AKAP7: variants seen among roughly 807,000 people sequenced by gnomAD.
The protein encoded by AKAP7 is A kinase (PRKA) anchor protein 7.
Under a neutral mutation model 39.5 loss-of-function variants are expected in AKAP7, and 39 were observed. That is an observed-to-expected ratio of 0.99 (90% confidence interval 0.76 to 1.29). The LOEUF (loss-of-function observed/expected upper bound fraction) is 1.29, where lower values mean the gene tolerates loss of function less well. Among genes scored for constraint, AKAP7 ranks in the 50% most tolerant of loss-of-function variants. The probability of loss-of-function intolerance (pLI) is 0.00; values close to 1 mark genes in which losing one functional copy is unlikely to be tolerated. For synonymous variants in AKAP7, 140 were observed against 139.1 expected (o/e 1.01, Z -0.05); for missense variants, 414 against 407.7 (o/e 1.02, Z -0.13).
At chr6:131,259,697 G>A (rs1368622683) in intron 7 of AKAP7, among the ~76,000 whole-genome samples, 1 of 152,146 alleles carries the variant, frequency 6.6e-6, no homozygotes, top group Non-Finnish European at 1.5e-5. Flanking sequence ...GTCAAATTTT[G>A]TATTAGTAAT....
chr6:131,127,767 A>T, the AKAP7 span, among the ~76,000 whole-genome samples: 27,345 of 152,176 alleles, frequency 0.18, 3,809 homozygotes, highest in East Asian at 0.57. Context: ...AAAGACATAG[A>T]ATCACCCTAA....
intron 6 of AKAP7, among the ~76,000 whole-genome samples, chr6:131,206,163 C>T (rs574294883): frequency 1.3e-5 from 2 of 152,148 alleles, no homozygotes; most frequent in African/African-American, 4.8e-5. Flanking sequence ...TAAATGTGAT[C>T]GCCTAATGTA....
chr6:131,224,023 C>G (rs1809934600), intron 7 of AKAP7, among the ~76,000 whole-genome samples: 1 of 152,144 alleles, frequency 6.6e-6, no homozygotes, highest in Non-Finnish European at 1.5e-5. Context: ...AACAATTTTG[C>G]CTTTTTCAAA....
At chr6:131,233,535 G>T (rs568454149) in intron 7 of AKAP7, among the ~76,000 whole-genome samples, 1 of 151,984 alleles carries the variant, frequency 6.6e-6, no homozygotes, top group Admixed American at 6.5e-5. Context: ...TATTATTATT[G>T]TGGTAGAAAT....
chr6:131,183,793 G>A (rs771874363), intron 5 of AKAP7, among the ~76,000 whole-genome samples: 1 of 152,112 alleles, frequency 6.6e-6, no homozygotes, highest in African/African-American at 2.4e-5. Context: ...GGAACAGAGG[G>A]CTGCAGAGAG....
chr6:131,208,581 T>C lies in AKAP7; in HGVS notation c.702+9008T>C, dbSNP rs1481773927. Among the ~76,000 whole-genome samples, 4 of 152,242 alleles carry C rather than the reference T, an allele frequency of 2.6e-5. No individual in the cohort carries two copies. In the South Asian group the frequency reaches 8.3e-4, roughly 31 times the overall value. The stretch of plus-strand genomic sequence containing the variant: ...CAATAGCATTTTCTGAGATTTTTCT[T>C]TCTGAATATCTGTCAGGGTTTTATG... On this transcript the variant is annotated intron_variant, in intron 6 of 7. Coordinates refer to ENST00000431975, the MANE Select transcript of AKAP7 (RefSeq NM_016377.4).
At chr6:131,226,201 A>C (rs11154621) in intron 7 of AKAP7, among the ~76,000 whole-genome samples, 1 of 151,986 alleles carries the variant, frequency 6.6e-6, no homozygotes, top group Non-Finnish European at 1.5e-5. Context: ...GGCTCCTGAG[A>C]GCATCTGAGT....
chr6:131,185,418 C>T, intron 5 of AKAP7: 2 of 494,476 alleles, frequency 4.0e-6, no homozygotes, highest in South Asian at 3.9e-5. Flanking sequence ...TAATTGTGGC[C>T]CTGCTCCATG....
At chr6:131,272,608 T>G (rs1348159009) in intron 7 of AKAP7, among the ~76,000 whole-genome samples, 7 of 152,230 alleles carry the variant, frequency 4.6e-5, no homozygotes, top group Non-Finnish European at 8.8e-5. Flanking sequence ...TCATCTTTGA[T>G]TCATGGATTA....
chr6:131,170,493 T>G (rs1267221868), intron 5 of AKAP7, among the ~76,000 whole-genome samples: 4 of 152,210 alleles, frequency 2.6e-5, no homozygotes, highest in African/African-American at 9.6e-5. Flanking sequence ...TTCACTGTCA[T>G]CCTGAAGTCA....
intron 6 of AKAP7, among the ~76,000 whole-genome samples, chr6:131,216,065 A>G (rs1809145327): frequency 1.3e-5 from 2 of 152,228 alleles, no homozygotes; most frequent in Admixed American, 1.3e-4. Context: ...GGACATTGTG[A>G]TTGCTATAAC....
At chr6:131,266,070 C>T (rs536559861) in intron 7 of AKAP7, among the ~76,000 whole-genome samples, 1 of 152,276 alleles carries the variant, frequency 6.6e-6, no homozygotes, top group South Asian at 2.1e-4. Context: ...CCAGAGATCC[C>T]GGGAGGAGAC....
chr6:131,184,849 T>C (rs1805662583), intron 5 of AKAP7: 1 of 1,463,518 alleles, frequency 6.8e-7, no homozygotes, highest in South Asian at 1.1e-5. Flanking sequence ...CTTGTAACGT[T>C]TTCCACAAAT....
intron 5 of AKAP7, among the ~76,000 whole-genome samples, chr6:131,182,786 T>C (rs1805395388): frequency 6.6e-6 from 1 of 152,172 alleles, no homozygotes; most frequent in Admixed American, 6.5e-5. Context: ...GCTCCAACAC[T>C]TGTTATTTTC....
rs1156666202 is a variant in AKAP7 at position 131,135,645 on chromosome 6, C to A, written c.-119C>A. The stretch of plus-strand genomic sequence containing the variant: ...TGGACCCCGCGCCGGCCCAGCGCAC[C>A]GCCCTCAGGCCCCGAGCCCCGCCCT... On this transcript the variant is annotated 5_prime_UTR_variant, in exon 1 of 8. Coordinates refer to ENST00000431975, the MANE Select transcript of AKAP7 (RefSeq NM_016377.4). 19 of 899,030 alleles carry A rather than the reference C, an allele frequency of 2.1e-5. No homozygotes were observed. The highest frequency in any genetic ancestry group is 2.0e-4 in the East Asian group (2 of 10,088). The allele number at this position is 899,030 out of a possible 1,614,324, so 55.7% of individuals were successfully genotyped here.
intron 1 of AKAP7, among the ~76,000 whole-genome samples, chr6:131,136,393 C>A (rs1800545110): frequency 6.6e-6 from 1 of 152,176 alleles, no homozygotes; most frequent in Admixed American, 6.5e-5. Flanking sequence ...AAAGGTGCTC[C>A]TCTGCAAGAG....
At position 131,218,675 on chromosome 6, in the gene AKAP7, C is replaced by T. The variant is rs182352347; in HGVS notation, c.703-986C>T. 3.9e-5 allele frequency among the ~76,000 whole-genome samples: 6 copies of T among 152,228 alleles called. No individual in the cohort carries two copies. In the East Asian group the frequency reaches 1.2e-3, roughly 29 times the overall value. On this transcript the variant is annotated intron_variant, in intron 6 of 7. Coordinates refer to ENST00000431975, the MANE Select transcript of AKAP7 (RefSeq NM_016377.4). Reference sequence around the variant, plus strand: ...TATAGCAGAGGCAGATATATTCTTTCCCATGTTTTGGGGAACTACAGAGGT... The same window carrying T: ...TATAGCAGAGGCAGATATATTCTTTTCCATGTTTTGGGGAACTACAGAGGT...
At chr6:131,242,079 T>C in intron 7 of AKAP7, 3 of 983,128 alleles carry the variant, frequency 3.1e-6, no homozygotes, top group Non-Finnish European at 3.6e-6. Context: ...ATATGTTTTA[T>C]ATAAAATGCC....
the AKAP7 span, among the ~76,000 whole-genome samples, chr6:131,126,381 TC>T: frequency 1.5e-4 from 23 of 152,190 alleles, no homozygotes; most frequent in Non-Finnish European, 2.8e-4. Context: ...TGAGTCGATA[TC>T]CACAAATGTA....
Sources: gnomAD v4.1 joint callset for allele counts (sites outside exome capture counted in the v4.1 genomes callset) on GRCh38, gnomAD v4.1.1 for gene constraint, MANE v1.5 for transcripts, NCBI Gene and HGNC (gene_info 2026-07-23, HGNC 2026-07-21) for gene names.